The following MKNK1 variants were observed in gnomAD, a reference collection of about 807,000 sequenced individuals.
MKNK1 encodes the protein MAPK interacting serine/threonine kinase 1.
MKNK1 carries 30 observed loss-of-function variants against 49.3 expected under a neutral mutation model. The ratio of observed to expected loss-of-function variants is 0.61; its 90% CI spans 0.46 to 0.83. The LOEUF (loss-of-function observed/expected upper bound fraction) is 0.83, where lower values mean the gene tolerates loss of function less well. Ranked by LOEUF, MKNK1 falls within the 40% of genes least tolerant of loss-of-function variation. The pLI, the probability that MKNK1 is intolerant of heterozygous loss-of-function variation, is 0.00. For missense variants in MKNK1, 423 were observed against 524.7 expected (o/e 0.81, Z 1.89); for synonymous variants, 176 against 201.7 (o/e 0.87, Z 1.08).
At position 46,559,514 on chromosome 1, in the gene MKNK1, T is replaced by C. The variant is rs113897626; in HGVS notation, c.1014-714A>G. Among the ~76,000 whole-genome samples the C allele has an allele frequency of 5.6e-3, 856 of 152,356 alleles. 9 individuals carry two copies. The highest frequency in any genetic ancestry group is 0.032 in the South Asian group (154 of 4,830). On this transcript the variant is annotated intron_variant, in intron 12 of 12. Coordinates refer to ENST00000371945, the MANE Select transcript of MKNK1 (RefSeq NM_001135553.4). ...AGAGTCAAACAGCCCAGGGCTGCTG[T>C]GTGGCCTTAAGCAAGTTAACTTGAT...
intron 2 of MKNK1, among the ~76,000 whole-genome samples, chr1:46,586,735 T>G (rs1672629586): frequency 6.6e-6 from 1 of 152,228 alleles, no homozygotes; most frequent in Non-Finnish European, 1.5e-5. Context: ...ATGAATCCAG[T>G]TCAGGAATTC....
intron 6 of MKNK1, among the ~76,000 whole-genome samples, chr1:46,573,582 T>C (rs184897204): frequency 3.4e-4 from 51 of 152,238 alleles, no homozygotes; most frequent in Admixed American, 1.5e-3. Context: ...CTGCCAAAGA[T>C]TGTTCGCTTG....
intron 3 of MKNK1, chr1:46,582,711 G>C (rs551265473): frequency 1.7e-5 from 6 of 363,412 alleles, no homozygotes; most frequent in Non-Finnish European, 3.3e-5. Context: ...AATGTCTGAT[G>C]ACCCAACATC....
At chr1:46,569,851 C>G (rs964409639) in intron 7 of MKNK1, 3 of 151,990 alleles carry the variant, frequency 2.0e-5, no homozygotes, top group African/African-American at 4.9e-5. Flanking sequence ...ACACACGGAG[C>G]CTTACTCTCC....
chr1:46,583,436 C>T, intron 2 of MKNK1, 107 bp from the exon 3 acceptor site: 1 of 749,992 alleles, frequency 1.3e-6, no homozygotes. Context: ...AGGAGGTTTA[C>T]ACTGATGGTT....
rs1484870094 is a variant in MKNK1, at chr1:46,562,691, G to A, written c.762C>T (p.Ala254=). 7.7e-6 allele frequency: 12 copies of A among 1,567,666 alleles called. No individual in the cohort carries two copies. The highest frequency in any genetic ancestry group is 2.3e-5 in the South Asian group (2 of 85,744). ...GYPPFVGHCG[A]DCGWDRGEVC... is the part of the protein sequence containing the mutation. Reference sequence around the variant, plus strand: ...CCTCGCCCCGGTCCCAGCCACAGTCGGCCCCGCAGTGACCCACGAAGGGTG... The same window carrying A: ...CCTCGCCCCGGTCCCAGCCACAGTCAGCCCCGCAGTGACCCACGAAGGGTG... The change falls in exon 10 of 13, where the codon GCC becomes GCT. Residue 254 remains alanine, a synonymous_variant. Coordinates refer to ENST00000371945, the MANE Select transcript of MKNK1 (RefSeq NM_001135553.4).
At chr1:46,570,190 G>A (rs997255725) in intron 7 of MKNK1, 13 of 152,082 alleles carry the variant, frequency 8.5e-5, no homozygotes, top group African/African-American at 2.9e-4. Flanking sequence ...AGACACCACC[G>A]GCCTCTGTTC....
chr1:46,597,208 A>G (rs1674184890), intron 1 of MKNK1, among the ~76,000 whole-genome samples: 1 of 151,792 alleles, frequency 6.6e-6, no homozygotes. Flanking sequence ...GAGGCACCCA[A>G]TTCTCTCTCA....
intron 1 of MKNK1, among the ~76,000 whole-genome samples, chr1:46,599,526 G>A (rs1021233252): frequency 6.6e-6 from 1 of 152,148 alleles, no homozygotes; most frequent in African/African-American, 2.4e-5. Context: ...AGCAGACCTA[G>A]TCCATGCAGC....
chr1:46,598,259 T>C (rs1557899443), intron 1 of MKNK1, among the ~76,000 whole-genome samples: 1 of 152,174 alleles, frequency 6.6e-6, no homozygotes, highest in Non-Finnish European at 1.5e-5. Context: ...TTGAAGGCTG[T>C]GAAAAAAGTA....
intron 4 of MKNK1, chr1:46,580,317 GTAT>G (rs1420414509): frequency 1.8e-6 from 1 of 553,830 alleles, no homozygotes; most frequent in Non-Finnish European, 3.2e-6. Flanking sequence ...ATAGGTTCTA[GTAT>G]TATACCCATT....
chr1:46,592,147 G>C (rs1049768193), intron 2 of MKNK1, among the ~76,000 whole-genome samples: 1 of 152,208 alleles, frequency 6.6e-6, no homozygotes, highest in Non-Finnish European at 1.5e-5. Flanking sequence ...GACTGAAGCA[G>C]GAGAATCACT....
At chr1:46,559,668 A>G (rs1314829125) in intron 12 of MKNK1, 1 of 156,014 alleles carries the variant, frequency 6.4e-6, no homozygotes, top group African/African-American at 2.4e-5. Context: ...TTTTTGAGAC[A>G]GATGCTTGCT....
chr1:46,558,328 A>T lies in MKNK1; in HGVS notation c.*247T>A. The T allele has an allele frequency of 2.0e-6, 1 of 504,314 alleles. No homozygotes were observed. Among genetic ancestry groups the T allele is most frequent in the Non-Finnish European group, 3.5e-6 (1 of 287,688 alleles). The allele number at this position is 504,314 out of a possible 1,614,324, so 31.2% of individuals were successfully genotyped here. On this transcript the variant is annotated 3_prime_UTR_variant, in exon 13 of 13. Transcript: ENST00000371945. ...CCCAGTGAAGAGATGTTCCTGCTGC[A>T]GGCAATTATGCAAAGTGAGAAGTGA...
In MKNK1 at chr1:46,561,589, G is replaced by GT; in HGVS notation, c.857dup (p.Asp286GlufsTer8). On this transcript the variant is annotated frameshift_variant, in exon 11 of 13. Transcript: ENST00000371945. LOFTEE classifies it high-confidence loss of function. ...TGGCTTCACTGGAGATGTGTGCCCA[G>GT]TCCTTGTCAGGAAACTCATACTTGC... The GT allele has an allele frequency of 6.2e-7, 1 of 1,614,206 alleles. No individual in the cohort carries two copies. The highest frequency in any genetic ancestry group is 2.2e-5 in the East Asian group (1 of 44,888).
rs1189799094 is a variant in MKNK1, at chr1:46,557,965, C to T, written c.*610G>A. 6.6e-6 allele frequency: 1 copy of T among 152,638 alleles called. No homozygotes were observed. Among genetic ancestry groups the T allele is most frequent in the Non-Finnish European group, 1.5e-5 (1 of 68,080 alleles). 9.5% of individuals were successfully genotyped at this position (152,638 alleles called of 1,614,324 possible). A position where few individuals can be genotyped will look rare whatever the true frequency, so the allele number is the denominator to read the frequency against. ...GGGATGATAAACGAGGGATACATTT[C>T]AGTCACAGCAAAGAAAGATTATGTG... On this transcript the variant is annotated 3_prime_UTR_variant, in exon 13 of 13. Transcript: ENST00000371945.
intron 9 of MKNK1, among the ~76,000 whole-genome samples, chr1:46,564,093 G>A (rs1173455000): frequency 4.2e-5 from 6 of 141,342 alleles, no homozygotes; most frequent in Non-Finnish European, 9.2e-5. Flanking sequence ...TACTTGTGAA[G>A]CATACAAATC....
intron 1 of MKNK1, among the ~76,000 whole-genome samples, chr1:46,603,433 T>C (rs1228508697): frequency 6.6e-6 from 1 of 152,180 alleles, no homozygotes; most frequent in Non-Finnish European, 1.5e-5. Flanking sequence ...ACAGCTACCA[T>C]GTATTCAGCA....
intron 12 of MKNK1, chr1:46,559,810 T>A: frequency 5.8e-6 from 1 of 171,274 alleles, no homozygotes. Flanking sequence ...TGCCTGGCCA[T>A]GGTAAGGACT....
Sources: allele counts gnomAD v4.1 joint callset (sites outside exome capture counted in the v4.1 genomes callset), GRCh38; gene constraint gnomAD v4.1.1; transcripts MANE v1.5; gene names NCBI Gene and HGNC (gene_info 2026-07-23, HGNC 2026-07-21).